The following USP13 variants were observed in gnomAD, a reference collection of about 807,000 sequenced individuals.
USP13 encodes ubiquitin specific peptidase 13, also known as ubiquitin carboxyl-terminal hydrolase 13.
USP13 carries 68 observed loss-of-function variants against 107.8 expected under a neutral mutation model. The ratio of observed to expected loss-of-function variants is 0.63; its 90% CI spans 0.52 to 0.77. The LOEUF is 0.77. USP13 is among the 30% of genes least tolerant of loss of function. The probability of loss-of-function intolerance (pLI) is 0.00; values close to 1 mark genes in which losing one functional copy is unlikely to be tolerated. For synonymous variants in USP13, 377 were observed against 389.5 expected (o/e 0.97, Z 0.38); for missense variants, 945 against 1,093.3 (o/e 0.86, Z 1.91).
At chr3:179,771,679 T>A (rs1715346590) in intron 19 of USP13, among the ~76,000 whole-genome samples, 2 of 152,192 alleles carry the variant, frequency 1.3e-5, no homozygotes, top group Admixed American at 6.5e-5. Flanking sequence ...TGGGACTTTG[T>A]CACACCAGGT....
intron 19 of USP13, among the ~76,000 whole-genome samples, chr3:179,768,929 T>C (rs1715261353): frequency 6.6e-6 from 1 of 152,214 alleles, no homozygotes; most frequent in South Asian, 2.1e-4. Flanking sequence ...TTAACACTTA[T>C]ATTGAAGGAT....
chr3:179,680,638 G>A (rs1016982492), intron 1 of USP13, among the ~76,000 whole-genome samples: 1 of 152,006 alleles, frequency 6.6e-6, no homozygotes, highest in Non-Finnish European at 1.5e-5. Context: ...CACCTCCCAG[G>A]TTCAAGCGAT....
chr3:179,703,019 A>G (rs185498257), intron 4 of USP13, among the ~76,000 whole-genome samples: 1 of 152,324 alleles, frequency 6.6e-6, no homozygotes, highest in East Asian at 1.9e-4. Context: ...TTATTGTTGT[A>G]CTTGGAGTAT....
At chr3:179,717,969 T>C (rs1203529364) in intron 6 of USP13, among the ~76,000 whole-genome samples, 1 of 152,200 alleles carries the variant, frequency 6.6e-6, no homozygotes, top group Non-Finnish European at 1.5e-5. Context: ...ACTGAATTTC[T>C]TTGGGGAGCA....
chr3:179,653,554 C>A lies in USP13; in HGVS notation c.168+161C>A. The A allele has an allele frequency of 9.9e-7, 1 of 1,012,284 alleles. No homozygotes were observed. Among genetic ancestry groups the A allele is most frequent in the Non-Finnish European group, 1.4e-6 (1 of 716,384 alleles). The allele number at this position is 1,012,284 out of a possible 1,614,324, so 62.7% of individuals were successfully genotyped here. A position where few individuals can be genotyped will look rare whatever the true frequency, so the allele number is the denominator to read the frequency against. On this transcript the variant is annotated intron_variant, in intron 1 of 20. Transcript: ENST00000263966. The surrounding 1 kb of genome is among the most constrained non-coding windows in gnomAD (Gnocchi z 4.0). Reference sequence around the variant, plus strand: ...TTCGGCAGACACTTAGTGAGCGCCCCAGGGCTGCTGCAGCCGAGGACTGGC... The same window carrying A: ...TTCGGCAGACACTTAGTGAGCGCCCAAGGGCTGCTGCAGCCGAGGACTGGC...
At chr3:179,658,229 CAGGCGGG>C (rs1241295600) in intron 1 of USP13, among the ~76,000 whole-genome samples, 1 of 152,222 alleles carries the variant, frequency 6.6e-6, no homozygotes, top group Admixed American at 6.5e-5. Context: ...GCTGTGATTA[CAGGCGGG>C]AGCCACTGCA....
At chr3:179,694,279 C>T (rs2108467704) in intron 3 of USP13, among the ~76,000 whole-genome samples, 1 of 152,254 alleles carries the variant, frequency 6.6e-6, no homozygotes, top group Admixed American at 6.5e-5. Context: ...CCGGCCGATT[C>T]TGGTAACTTT....
At chr3:179,773,873 G>T (rs1255585220) in intron 19 of USP13, among the ~76,000 whole-genome samples, 1 of 151,980 alleles carries the variant, frequency 6.6e-6, no homozygotes, top group Non-Finnish European at 1.5e-5. Context: ...GAATTTTTTT[G>T]TATCTTTACT....
chr3:179,692,104 C>T (rs1393026535), intron 3 of USP13, among the ~76,000 whole-genome samples: 1 of 152,184 alleles, frequency 6.6e-6, no homozygotes, highest in Non-Finnish European at 1.5e-5. Flanking sequence ...CACACTTCTA[C>T]ACACACATAC....
intron 20 of USP13, among the ~76,000 whole-genome samples, chr3:179,782,877 C>T (rs777637925): frequency 5.3e-5 from 8 of 152,132 alleles, no homozygotes; most frequent in Non-Finnish European, 1.0e-4. Flanking sequence ...TCCCAAGTAG[C>T]TGGGATTACA....
intron 16 of USP13, among the ~76,000 whole-genome samples, chr3:179,760,683 G>A (rs1018047760): frequency 6.6e-6 from 1 of 152,140 alleles, no homozygotes; most frequent in Non-Finnish European, 1.5e-5. Flanking sequence ...TCCTGTGATT[G>A]CCAGATGTAT....
chr3:179,771,076 G>T (rs1286552800), intron 19 of USP13, among the ~76,000 whole-genome samples: 3 of 152,200 alleles, frequency 2.0e-5, no homozygotes, highest in Non-Finnish European at 4.4e-5. Context: ...AGTCCTGGGG[G>T]CACTGGGCTG....
At chr3:179,771,127 A>G (rs1715330184) in intron 19 of USP13, among the ~76,000 whole-genome samples, 1 of 152,190 alleles carries the variant, frequency 6.6e-6, no homozygotes, top group Admixed American at 6.5e-5. Flanking sequence ...TTTTAGCTGG[A>G]TGGGCCCCTT....
In USP13 at chr3:179,784,346, A is replaced by G. The variant is rs574157567; in HGVS notation, c.*205A>G. On this transcript the variant is annotated 3_prime_UTR_variant, in exon 21 of 21. Coordinates refer to ENST00000263966, the MANE Select transcript of USP13 (RefSeq NM_003940.3). ...TAGTGATGATACACTATTATATTGTAGATAGTTTTTATAAATGTTCAAAAA... is the reference window on the plus strand; with the variant it reads ...TAGTGATGATACACTATTATATTGTGGATAGTTTTTATAAATGTTCAAAAA... 2.1e-5 allele frequency: 9 copies of G among 433,360 alleles called. No homozygotes were observed. In the South Asian group the frequency reaches 4.5e-4, roughly 22 times the overall value. The allele number at this position is 433,360 out of a possible 1,614,324, so 26.8% of individuals were successfully genotyped here.
chr3:179,775,045 G>T (rs1356859537), intron 19 of USP13, among the ~76,000 whole-genome samples: 1 of 152,128 alleles, frequency 6.6e-6, no homozygotes, highest in African/African-American at 2.4e-5. Flanking sequence ...CCTTGAGCTA[G>T]ACACAGAGTG....
chr3:179,689,819 T>G (rs1319829288), intron 2 of USP13, among the ~76,000 whole-genome samples: 1 of 152,194 alleles, frequency 6.6e-6, no homozygotes, highest in African/African-American at 2.4e-5. Context: ...CAGTAGTTGT[T>G]AGGCATGCCC....
chr3:179,767,492 T>A (rs1421268473), intron 19 of USP13, among the ~76,000 whole-genome samples: 3 of 151,830 alleles, frequency 2.0e-5, no homozygotes, highest in African/African-American at 7.3e-5. Flanking sequence ...TGGCACGATC[T>A]TGGCTCACTG....
chr3:179,707,608 C>T (rs1712770782), intron 5 of USP13, among the ~76,000 whole-genome samples: 1 of 152,222 alleles, frequency 6.6e-6, no homozygotes, highest in Non-Finnish European at 1.5e-5. Flanking sequence ...CTGGGATCAC[C>T]TCCCGGACAA....
At chr3:179,654,933 CT>C (rs58952724) in intron 1 of USP13, among the ~76,000 whole-genome samples, 12 of 151,448 alleles carry the variant, frequency 7.9e-5, no homozygotes, top group African/African-American at 2.2e-4. Flanking sequence ...TGATTGTTTA[CT>C]TTTTTTTTCT....
Sources: allele counts gnomAD v4.1 joint callset (sites outside exome capture counted in the v4.1 genomes callset), GRCh38; gene constraint gnomAD v4.1.1; non-coding constraint Gnocchi (gnomAD v3.1); transcripts MANE v1.5; gene names NCBI Gene and HGNC (gene_info 2026-07-23, HGNC 2026-07-21).